RICTOR: variants seen among roughly 807,000 people sequenced by gnomAD.
RICTOR encodes the protein rapamycin-insensitive companion of mTOR.
In RICTOR, 49 loss-of-function variants were observed where a neutral mutation model predicts 214.9. The observed-to-expected ratio is 0.23, with a 90% CI of 0.18 to 0.29. The LOEUF (loss-of-function observed/expected upper bound fraction) is 0.29. Among genes scored for constraint, RICTOR ranks in the 10% least tolerant of loss-of-function variants. The pLI, the probability that RICTOR is intolerant of heterozygous loss-of-function variation, is 1.00. For missense variants in RICTOR, 1,625 were observed against 2,047.0 expected, an observed-to-expected ratio of 0.79 and a Z score of 3.98; for synonymous variants, 717 against 711.3, an observed-to-expected ratio of 1.01 and a Z score of -0.13.
At chr5:39,020,253 G>T (rs1381152189) in intron 3 of RICTOR, among the ~76,000 whole-genome samples, 7 of 152,090 alleles carry the variant, frequency 4.6e-5, no homozygotes, top group African/African-American at 1.5e-4. Context: ...CAGTGGCAGG[G>T]TTTGAGAGGA....
At chr5:38,989,928 GGAA>G (rs936397465) in intron 7 of RICTOR, among the ~76,000 whole-genome samples, 11 of 152,104 alleles carry the variant, frequency 7.2e-5, no homozygotes, top group Non-Finnish European at 1.6e-4. Flanking sequence ...CAACCATTGT[GGAA>G]GAAGAGTGTG....
chr5:39,008,097 G>A (rs1260964079), intron 3 of RICTOR, among the ~76,000 whole-genome samples: 2 of 151,550 alleles, frequency 1.3e-5, no homozygotes, highest in African/African-American at 4.8e-5. Context: ...TTAAAATACT[G>A]TAATATACAA....
intron 27 of RICTOR, 112 bp downstream of exon 27, chr5:38,954,662 C>T (rs562083505): frequency 9.2e-6 from 6 of 655,620 alleles, no homozygotes; most frequent in Non-Finnish European, 2.7e-6. Flanking sequence ...AATTACACCA[C>T]TGATATTAAA....
intron 2 of RICTOR, among the ~76,000 whole-genome samples, chr5:39,030,037 C>T (rs1434336330): frequency 6.6e-6 from 1 of 152,012 alleles, no homozygotes; most frequent in Admixed American, 6.6e-5. Flanking sequence ...ACAATAATGA[C>T]CTTCCAGAGC....
rs762606839 is a variant in RICTOR, at chr5:38,953,112, T to C, written c.2791-21A>G. On this transcript the variant is annotated intron_variant, in intron 28 of 37. Transcript: ENST00000357387. ...TTTCCCTGAAAGAAAAGAAATCACTTACATCAAATATAAGAGTCACTCTTT... is the reference window on the plus strand; with the variant it reads ...TTTCCCTGAAAGAAAAGAAATCACTCACATCAAATATAAGAGTCACTCTTT... The C allele has an allele frequency of 2.0e-6, 3 of 1,465,608 alleles. No individual in the cohort carries two copies. In the South Asian group the frequency reaches 3.4e-5, roughly 17 times the overall value. The allele number at this position is 1,465,608 out of a possible 1,614,324, so 90.8% of individuals were successfully genotyped here.
chr5:39,034,786 T>C (rs1328643931), intron 2 of RICTOR, among the ~76,000 whole-genome samples: 2 of 152,196 alleles, frequency 1.3e-5, no homozygotes, highest in East Asian at 3.9e-4. Flanking sequence ...CCGCCATTGC[T>C]GAGGCTTGAG....
rs1054973194 is a variant in RICTOR, at chr5:38,939,530, A to C, written c.*2774T>G. On this transcript the variant is annotated 3_prime_UTR_variant, in exon 38 of 38. Transcript: ENST00000357387. ...AATTTTAGAGCATATTTAATTATGA[A>C]TACTAAATTTCTAATTTCCTTATTT... is the stretch of plus-strand genomic sequence containing the variant. 1 of 232,072 alleles carries C rather than the reference A, an allele frequency of 4.3e-6. No individual in the cohort carries two copies. 14.4% of individuals were successfully genotyped at this position (232,072 alleles called of 1,614,324 possible).
intron 2 of RICTOR, among the ~76,000 whole-genome samples, chr5:39,064,287 G>A (rs1164992017): frequency 2.0e-5 from 3 of 152,152 alleles, no homozygotes; most frequent in Non-Finnish European, 4.4e-5. Context: ...AGCATTAACA[G>A]TCAACTTCAA....
chr5:39,046,979 T>G (rs1422524832), intron 2 of RICTOR, among the ~76,000 whole-genome samples: 1 of 152,168 alleles, frequency 6.6e-6, no homozygotes, highest in East Asian at 1.9e-4. Flanking sequence ...TATCTATGAT[T>G]AAAAGCAACA....
In RICTOR at chr5:38,950,226, A is replaced by C; in HGVS notation, c.3622T>G (p.Ser1208Ala). 6.2e-7 allele frequency: 1 copy of C among 1,613,400 alleles called. No individual in the cohort carries two copies. The highest frequency in any genetic ancestry group is 2.2e-5 in the East Asian group (1 of 44,866). Reference protein sequence around the residue: ...TSRERLVVESSTSSHMKIRSQ... With the variant: ...TSRERLVVESATSSHMKIRSQ... The stretch of plus-strand genomic sequence containing the variant: ...CGTATCTTCATATGTGAGCTCGTTG[A>C]ACTTTCTACTACTAACCTCTCTCGG... Residue 1208 changes from serine (S) to alanine (A), a missense_variant, in exon 31 of 38, where the codon TCA (serine) becomes GCA (alanine). By Grantham distance (99) the Ser-to-Ala change is moderately conservative (BLOSUM62 1). Around this residue, in one of 5 missense-constraint regions of RICTOR, gnomAD observed 1,214 missense variants for 1,470.5 expected, o/e 0.83. Coordinates refer to ENST00000357387, the MANE Select transcript of RICTOR (RefSeq NM_152756.5).
chr5:39,066,009 C>A (rs1758878848), intron 2 of RICTOR, among the ~76,000 whole-genome samples: 1 of 152,314 alleles, frequency 6.6e-6, no homozygotes, highest in Admixed American at 6.5e-5. Flanking sequence ...CTAGGCAGTG[C>A]CCCACTGGGG....
intron 21 of RICTOR, 115 bp downstream of exon 21, chr5:38,959,664 A>C: frequency 1.5e-6 from 1 of 659,610 alleles, no homozygotes; most frequent in Non-Finnish European, 2.6e-6. Context: ...AGATAATGCT[A>C]ATTTAAAATA....
chr5:39,021,296 C>T (rs1348654560), intron 2 of RICTOR, among the ~76,000 whole-genome samples, 160 bp from the exon 3 acceptor site: 4 of 152,176 alleles, frequency 2.6e-5, no homozygotes, highest in South Asian at 4.1e-4. Flanking sequence ...AAGTCTGTGA[C>T]GAATCCAATT....
At chr5:39,006,301 T>C (rs1754048051) in intron 3 of RICTOR, among the ~76,000 whole-genome samples, 1 of 152,182 alleles carries the variant, frequency 6.6e-6, no homozygotes, top group South Asian at 2.1e-4. Flanking sequence ...GGTGGTCTAA[T>C]ACTACCTTTA....
At chr5:38,959,755 G>C (rs1468290742) in intron 21 of RICTOR, 24 bp downstream of exon 21, 1 of 1,514,076 alleles carries the variant, frequency 6.6e-7, no homozygotes, top group Non-Finnish European at 9.2e-7. Context: ...TGTATATATT[G>C]CAACAAAATC....
intron 3 of RICTOR, among the ~76,000 whole-genome samples, chr5:39,011,036 T>A (rs1476856993): frequency 6.6e-6 from 1 of 152,110 alleles, no homozygotes; most frequent in Admixed American, 6.6e-5. Context: ...GAAAAATGTC[T>A]CCAAGGCATG....
At chr5:39,016,772 G>A (rs1754991058) in intron 3 of RICTOR, among the ~76,000 whole-genome samples, 1 of 152,132 alleles carries the variant, frequency 6.6e-6, no homozygotes, top group African/African-American at 2.4e-5. Context: ...ACTGTCCAAT[G>A]TGGTTAGTAG....
rs1444992430 is a variant in RICTOR at position 38,937,923 on chromosome 5, A to G, written c.*4381T>C. The G allele has an allele frequency of 1.7e-5, 3 of 180,368 alleles. No individual in the cohort carries two copies. Among genetic ancestry groups the G allele is most frequent in the African/African-American group, 7.1e-5 (3 of 42,372 alleles). The allele number at this position is 180,368 out of a possible 1,614,324, so 11.2% of individuals were successfully genotyped here. Reference sequence around the variant, plus strand: ...TTCAAATAAAACAATGACAAAGTTTAAGAATTTTAAGTACATTTTATTAAC... The same window carrying G: ...TTCAAATAAAACAATGACAAAGTTTGAGAATTTTAAGTACATTTTATTAAC... On this transcript the variant is annotated 3_prime_UTR_variant, in exon 38 of 38. Transcript: ENST00000357387. The surrounding 1 kb of genome is among the most constrained non-coding windows in gnomAD (Gnocchi z 4.0).
chr5:38,993,152 T>G (rs899686950), intron 6 of RICTOR, among the ~76,000 whole-genome samples: 1 of 152,142 alleles, frequency 6.6e-6, no homozygotes, highest in Non-Finnish European at 1.5e-5. Flanking sequence ...AACTTCAAAC[T>G]CATGGGCCAA....
Sources: allele counts gnomAD v4.1 joint callset (sites outside exome capture counted in the v4.1 genomes callset), GRCh38; gene constraint gnomAD v4.1.1; regional missense constraint gnomAD v4.1.1; non-coding constraint Gnocchi (gnomAD v3.1); transcripts MANE v1.5; gene names NCBI Gene and HGNC (gene_info 2026-07-23, HGNC 2026-07-21).